CSMD1: variants seen among roughly 807,000 people sequenced by gnomAD.
CSMD1 encodes the protein CUB and sushi domain-containing protein 1.
Under a neutral mutation model 417.5 loss-of-function variants are expected in CSMD1, and 213 were observed. The observed-to-expected ratio is 0.51, with a 90% confidence interval of 0.46 to 0.57. The LOEUF (loss-of-function observed/expected upper bound fraction) is 0.57, where lower values mean the gene tolerates loss of function less well. Among genes scored for constraint, CSMD1 ranks in the 20% least tolerant of loss-of-function variants. The probability of loss-of-function intolerance (pLI) is 0.00; values close to 1 mark genes in which losing one functional copy is unlikely to be tolerated. For synonymous variants in CSMD1, 2,862 were observed against 1,736.8 expected, an observed-to-expected ratio of 1.65 and a Z score of -16.11; for missense variants, 6,923 against 4,529.7, an observed-to-expected ratio of 1.53 and a Z score of -15.17.
chr8:2,990,255 G>C (rs552589527), intron 54 of CSMD1, among the ~76,000 whole-genome samples: 1 of 152,296 alleles, frequency 6.6e-6, no homozygotes, highest in South Asian at 2.1e-4. Context: ...TCGCCATTCC[G>C]GTCCTCATAG....
chr8:4,821,801 C>T (rs936942557), intron 1 of CSMD1, among the ~76,000 whole-genome samples: 1 of 152,058 alleles, frequency 6.6e-6, no homozygotes, highest in African/African-American at 2.4e-5. Flanking sequence ...CAATTGGGTA[C>T]GTGTAACTAA....
At chr8:4,528,222 T>C (rs190927194) in intron 2 of CSMD1, among the ~76,000 whole-genome samples, 1 of 152,294 alleles carries the variant, frequency 6.6e-6, no homozygotes, top group Admixed American at 6.5e-5. Flanking sequence ...TGTTCCATCT[T>C]CAGTGATAAG....
At chr8:3,555,999 C>G (rs910453800) in intron 10 of CSMD1, among the ~76,000 whole-genome samples, 3 of 152,106 alleles carry the variant, frequency 2.0e-5, no homozygotes, top group Admixed American at 6.5e-5. Flanking sequence ...TGATTTCAAT[C>G]CCATTCAAGG....
chr8:4,216,137 G>T lies in CSMD1; in HGVS notation c.416-184038C>A, dbSNP rs960252092. ...TCTGGCTGCCACCTGCCTTTTTTAT[G>T]TAATCCCATTTTTTCACAGGACAGG... On this transcript the variant is annotated intron_variant, in intron 3 of 69. Coordinates refer to ENST00000635120, the MANE Select transcript of CSMD1 (RefSeq NM_033225.6). Among the ~76,000 whole-genome samples, 3 of 152,112 alleles carry T rather than the reference G, an allele frequency of 2.0e-5. No homozygotes were observed. In the East Asian group the frequency reaches 5.8e-4, roughly 29 times the overall value.
chr8:3,190,181 C>T, intron 33 of CSMD1, 66 bp from the exon 34 acceptor site: 2 of 1,227,962 alleles, frequency 1.6e-6, no homozygotes, highest in Non-Finnish European at 2.3e-6. Context: ...TTGCGTGGAA[C>T]GTGGGTTTAA....
At chr8:4,832,981 G>A (rs1307860911) in intron 1 of CSMD1, among the ~76,000 whole-genome samples, 1 of 152,106 alleles carries the variant, frequency 6.6e-6, no homozygotes, top group Non-Finnish European at 1.5e-5. Flanking sequence ...CCTGCCCTGG[G>A]CACCATTTCT....
At chr8:3,787,913 C>A (rs535297975) in intron 5 of CSMD1, among the ~76,000 whole-genome samples, 2 of 152,280 alleles carry the variant, frequency 1.3e-5, no homozygotes, top group East Asian at 3.9e-4. Flanking sequence ...GATTAAATCT[C>A]TGTAGTTGTG....
chr8:4,433,249 T>C (rs1419017395), intron 2 of CSMD1, among the ~76,000 whole-genome samples: 2 of 152,172 alleles, frequency 1.3e-5, no homozygotes, highest in East Asian at 1.9e-4. Flanking sequence ...ATGTACTACA[T>C]TTGAATGACC....
intron 5 of CSMD1, among the ~76,000 whole-genome samples, chr8:3,833,323 C>G (rs576990604): frequency 6.6e-6 from 1 of 152,050 alleles, no homozygotes; most frequent in Admixed American, 6.6e-5. Flanking sequence ...ATTCGGAAAA[C>G]ATTATTCTAA....
chr8:4,628,397 C>T (rs947962741), intron 2 of CSMD1, among the ~76,000 whole-genome samples: 2 of 128,482 alleles, frequency 1.6e-5, no homozygotes, highest in African/African-American at 2.8e-5. Flanking sequence ...TATATATACA[C>T]ATATATATAC....
intron 1 of CSMD1, among the ~76,000 whole-genome samples, chr8:4,938,686 G>A (rs909066961): frequency 2.0e-5 from 3 of 152,174 alleles, no homozygotes; most frequent in Admixed American, 2.0e-4. Context: ...TGATAATGGG[G>A]TGGAAAGAAA....
chr8:4,909,046 A>G (rs1805491182), intron 1 of CSMD1, among the ~76,000 whole-genome samples: 1 of 152,178 alleles, frequency 6.6e-6, no homozygotes, highest in Non-Finnish European at 1.5e-5. Flanking sequence ...GATAAGCAGG[A>G]CTTTAGCATG....
At chr8:4,216,695 A>T (rs771115545) in intron 3 of CSMD1, among the ~76,000 whole-genome samples, 1 of 152,172 alleles carries the variant, frequency 6.6e-6, no homozygotes, top group Non-Finnish European at 1.5e-5. Context: ...TCATGTAAGC[A>T]CCAGTCATCT....
intron 65 of CSMD1, 36 bp downstream of exon 65, chr8:2,954,188 T>A: frequency 1.5e-6 from 2 of 1,296,380 alleles, no homozygotes; most frequent in Non-Finnish European, 2.1e-6. Flanking sequence ...AATCACTTTA[T>A]TGGATTGAAA....
At chr8:3,278,083 A>G (rs1215580534) in intron 26 of CSMD1, among the ~76,000 whole-genome samples, 2 of 152,056 alleles carry the variant, frequency 1.3e-5, no homozygotes, top group African/African-American at 4.8e-5. Context: ...TTAGAGTTTC[A>G]AGGGAAAAAA....
At chr8:4,116,879 G>C (rs1169861963) in intron 3 of CSMD1, among the ~76,000 whole-genome samples, 8 of 152,046 alleles carry the variant, frequency 5.3e-5, no homozygotes, top group Middle Eastern at 3.4e-3. Flanking sequence ...GCCAGAAAAA[G>C]AATAAGCTTT....
chr8:4,238,862 G>A (rs577584348), intron 3 of CSMD1, among the ~76,000 whole-genome samples: 1 of 152,122 alleles, frequency 6.6e-6, no homozygotes, highest in African/African-American at 2.4e-5. Context: ...AAAATCGATA[G>A]CAAATGCAAT....
chr8:3,983,586 T>C (rs1447740321), intron 5 of CSMD1, among the ~76,000 whole-genome samples: 1 of 152,222 alleles, frequency 6.6e-6, no homozygotes, highest in Non-Finnish European at 1.5e-5. Context: ...GATGTTTCTA[T>C]TTTATTTTTT....
At chr8:4,375,798 A>C (rs934315293) in intron 3 of CSMD1, among the ~76,000 whole-genome samples, 1 of 152,102 alleles carries the variant, frequency 6.6e-6, no homozygotes, top group African/African-American at 2.4e-5. Context: ...AACCATCCTC[A>C]TACATTTTTT....
Sources: gnomAD v4.1 joint callset for allele counts (sites outside exome capture counted in the v4.1 genomes callset) on GRCh38, gnomAD v4.1.1 for gene constraint, MANE v1.5 for transcripts, NCBI Gene and HGNC (gene_info 2026-07-23, HGNC 2026-07-21) for gene names.